Variants in KCNAB1 observed in about 807,000 individuals in gnomAD.
The protein encoded by KCNAB1 is potassium voltage-gated channel subfamily A regulatory beta subunit 1.
KCNAB1 carries 35 observed loss-of-function variants against 64.6 expected under a neutral mutation model. That is an observed-to-expected ratio of 0.54 (90% CI 0.41 to 0.72). The LOEUF (loss-of-function observed/expected upper bound fraction) is 0.72. Ranked by LOEUF, KCNAB1 falls within the 30% of genes least tolerant of loss-of-function variation. The probability of loss-of-function intolerance (pLI) is 0.00; values close to 1 mark genes in which losing one functional copy is unlikely to be tolerated. For synonymous variants in KCNAB1, 177 were observed against 183.8 expected (o/e 0.96, Z 0.30); for missense variants, 401 against 512.9 (o/e 0.78, Z 2.11).
At chr3:156,367,719 T>G (rs1187445552) in intron 1 of KCNAB1, among the ~76,000 whole-genome samples, 1 of 152,208 alleles carries the variant, frequency 6.6e-6, no homozygotes, top group Non-Finnish European at 1.5e-5. Flanking sequence ...GTTTAACCCC[T>G]TTTCTTTCCC....
At position 156,267,020 on chromosome 3, in the gene KCNAB1, T is replaced by A. The variant is rs530901336; in HGVS notation, c.275+146134T>A. 2.0e-4 allele frequency among the ~76,000 whole-genome samples: 31 copies of A among 152,094 alleles called. No individual in the cohort carries two copies. In the South Asian group the frequency reaches 6.2e-3, roughly 31 times the overall value. On this transcript the variant is annotated intron_variant, in intron 1 of 13. Transcript: ENST00000490337. Reference sequence around the variant, plus strand: ...TGGTTCCAAATGCAAAAGTGATATGTACTCAAGCAGAAAAAAAAAATACAA... The same window carrying A: ...TGGTTCCAAATGCAAAAGTGATATGAACTCAAGCAGAAAAAAAAAATACAA...
At chr3:156,333,678 T>G (rs1723495294) in intron 1 of KCNAB1, among the ~76,000 whole-genome samples, 1 of 152,214 alleles carries the variant, frequency 6.6e-6, no homozygotes, top group African/African-American at 2.4e-5. Context: ...TGAATGTCCA[T>G]TTTAAATTTT....
chr3:156,350,657 T>C (rs182007510), intron 1 of KCNAB1, among the ~76,000 whole-genome samples: 83 of 152,332 alleles, frequency 5.4e-4, no homozygotes, highest in African/African-American at 1.9e-3. Context: ...TCTAAATTGC[T>C]TCATAACCTT....
At chr3:156,413,434 T>TA (rs1383805972) in intron 1 of KCNAB1, among the ~76,000 whole-genome samples, 1 of 152,180 alleles carries the variant, frequency 6.6e-6, no homozygotes, top group Non-Finnish European at 1.5e-5. Context: ...AGCTTGCACT[T>TA]ACAGAGCATT....
At chr3:156,322,429 A>G (rs1722720542) in intron 1 of KCNAB1, among the ~76,000 whole-genome samples, 1 of 152,234 alleles carries the variant, frequency 6.6e-6, no homozygotes, top group Non-Finnish European at 1.5e-5. Flanking sequence ...CCAAACAAGT[A>G]CAGACATTTT....
rs143125660 is a variant in KCNAB1 at position 156,442,434 on chromosome 3, G to T, written c.320-10465G>T. 2.3e-3 allele frequency among the ~76,000 whole-genome samples: 352 copies of T among 152,208 alleles called. 1 individual carries two copies. Among genetic ancestry groups the T allele is most frequent in the African/African-American group, 8.1e-3 (336 of 41,536 alleles). On this transcript the variant is annotated intron_variant, in intron 2 of 13. Coordinates refer to ENST00000490337, the MANE Select transcript of KCNAB1 (RefSeq NM_172160.3). ...GATTAATGGAGAAACAGAACAAAAT[G>T]GTTCCAGACAGATTTGCCCTGAAAC...
At chr3:156,270,551 C>G (rs915509052) in intron 1 of KCNAB1, among the ~76,000 whole-genome samples, 2 of 152,112 alleles carry the variant, frequency 1.3e-5, no homozygotes, top group African/African-American at 4.8e-5. Flanking sequence ...ATTGTATAAA[C>G]AAACTAAAAA....
chr3:156,378,641 T>C (rs938768792), intron 1 of KCNAB1, among the ~76,000 whole-genome samples: 1 of 152,208 alleles, frequency 6.6e-6, no homozygotes, highest in Non-Finnish European at 1.5e-5. Flanking sequence ...CTGTTTTCCT[T>C]TCTATGTGCA....
At chr3:156,125,756 A>G (rs1328085910) in intron 1 of KCNAB1, among the ~76,000 whole-genome samples, 4 of 152,200 alleles carry the variant, frequency 2.6e-5, no homozygotes, top group Admixed American at 1.3e-4. Flanking sequence ...ATGTGGTTCT[A>G]TGTGAGAAAA....
At chr3:156,408,259 G>T (rs192373845) in intron 1 of KCNAB1, among the ~76,000 whole-genome samples, 65 of 152,236 alleles carry the variant, frequency 4.3e-4, no homozygotes, top group Admixed American at 2.8e-3. Context: ...GCTAAGAATC[G>T]GGTCACTTCA....
At chr3:156,203,566 C>T (rs6441051) in intron 1 of KCNAB1, among the ~76,000 whole-genome samples, 91,835 of 152,070 alleles carry the variant, frequency 0.6, 28,275 homozygotes, top group East Asian at 0.9. Context: ...GAATGAAATA[C>T]GTTAACACAT....
intron 1 of KCNAB1, among the ~76,000 whole-genome samples, chr3:156,159,878 C>T (rs921557698): frequency 3.3e-5 from 5 of 152,142 alleles, no homozygotes; most frequent in African/African-American, 9.7e-5. Flanking sequence ...GTGCCCTGGG[C>T]AATATCACTG....
Position 156,258,044 on chromosome 3 carries a change from A to G in KCNAB1, c.275+137158A>G, listed in dbSNP as rs533400523. On this transcript the variant is annotated intron_variant, in intron 1 of 13. Transcript: ENST00000490337. ...TTTCCTTGCAATAACCCTAGGCAGC[A>G]TTAGGCTTAACTAACTTCAAGTACA... Among the ~76,000 whole-genome samples, 22 of 152,330 alleles carry G rather than the reference A, an allele frequency of 1.4e-4. 2 individuals are homozygous for G. In the South Asian group the frequency reaches 4.6e-3, roughly 32 times the overall value.
chr3:156,272,997 A>G (rs1443088282), intron 1 of KCNAB1, among the ~76,000 whole-genome samples: 1 of 152,026 alleles, frequency 6.6e-6, no homozygotes, highest in Non-Finnish European at 1.5e-5. Flanking sequence ...TTGTCTAGAA[A>G]TGTCATCTGG....
intron 1 of KCNAB1, among the ~76,000 whole-genome samples, chr3:156,267,717 C>T (rs1814218): frequency 6.6e-6 from 1 of 151,908 alleles, no homozygotes; most frequent in South Asian, 2.1e-4. Flanking sequence ...CTTTTCTGCC[C>T]TTACTGCCCA....
At position 156,120,897 on chromosome 3, in the gene KCNAB1, C is replaced by G; in HGVS notation, c.275+11C>G. On this transcript the variant is annotated intron_variant, in intron 1 of 13. Transcript: ENST00000490337. ...AGGCATGCCGCACAGGTAAGCTGCC[C>G]CTGCTCTGCGCGGGCTTTGGGAGAC... 6.2e-7 allele frequency: 1 copy of G among 1,612,390 alleles called. No homozygotes were observed. Among genetic ancestry groups the G allele is most frequent in the Admixed American group, 1.7e-5 (1 of 60,004 alleles).
intron 1 of KCNAB1, among the ~76,000 whole-genome samples, chr3:156,172,923 C>G (rs1010226392): frequency 3.9e-5 from 6 of 152,234 alleles, no homozygotes; most frequent in Non-Finnish European, 7.3e-5. Context: ...GCTAACACCT[C>G]TGGATGTAAA....
intron 1 of KCNAB1, among the ~76,000 whole-genome samples, chr3:156,279,910 TG>T (rs1271162003): frequency 6.7e-6 from 1 of 149,614 alleles, no homozygotes; most frequent in Admixed American, 6.6e-5. Flanking sequence ...TCTCCCATTT[TG>T]TAGGTTGCCT....
Position 156,380,086 on chromosome 3 carries a change from G to A in KCNAB1, c.276-41530G>A, listed in dbSNP as rs58036465. Reference sequence around the variant, plus strand: ...GGGCTTCTCACCACAAGCACATGGAGGCTACTGAACAGTCACATTGCAGCA... The same window carrying A: ...GGGCTTCTCACCACAAGCACATGGAAGCTACTGAACAGTCACATTGCAGCA... On this transcript the variant is annotated intron_variant, in intron 1 of 13. Coordinates refer to ENST00000490337, the MANE Select transcript of KCNAB1 (RefSeq NM_172160.3). Among the ~76,000 whole-genome samples the A allele has an allele frequency of 3.1e-3, 467 of 152,218 alleles. 1 individual carries two copies. The highest frequency in any genetic ancestry group is 0.011 in the African/African-American group (451 of 41,538).
Sources: gnomAD v4.1 joint callset for allele counts (sites outside exome capture counted in the v4.1 genomes callset) on GRCh38, gnomAD v4.1.1 for gene constraint, MANE v1.5 for transcripts, NCBI Gene and HGNC (gene_info 2026-07-23, HGNC 2026-07-21) for gene names.